SPRYD3: variants seen among roughly 807,000 people sequenced by gnomAD.
SPRYD3 encodes SPRY domain-containing protein 3.
Under a neutral mutation model 50.1 loss-of-function variants are expected in SPRYD3, and 17 were observed. That is an observed-to-expected ratio of 0.34 (90% confidence interval 0.23 to 0.51). The LOEUF is 0.51. Among genes scored for constraint, SPRYD3 ranks in the 20% least tolerant of loss-of-function variants. The probability of loss-of-function intolerance (pLI) is 0.97; values close to 1 mark genes in which losing one functional copy is unlikely to be tolerated. For missense variants in SPRYD3, 401 were observed against 591.2 expected (o/e 0.68, Z 3.34); for synonymous variants, 198 against 215.5 (o/e 0.92, Z 0.71).
In SPRYD3 at chr12:53,074,744, T is replaced by C; in HGVS notation, c.412A>G (p.Lys138Glu). 6.2e-7 allele frequency: 1 copy of C among 1,614,274 alleles called. No individual in the cohort carries two copies. The highest frequency in any genetic ancestry group is 8.5e-7 in the Non-Finnish European group (1 of 1,180,052). The change falls in exon 5 of 11, where the codon AAG becomes GAG. Residue 138 changes from lysine (K) to glutamate (E), a missense_variant. Lys to Glu is a moderately conservative substitution (Grantham distance 56). Coordinates refer to ENST00000301463, the MANE Select transcript of SPRYD3 (RefSeq NM_032840.3). The surrounding 1 kb of genome is among the most constrained non-coding windows in gnomAD (Gnocchi z 4.6). ...GRAKGRQFGS[K>E]CNSGDRIGCG... ...CCAATCCGGTCCCCGGAGTTGCACT[T>C]TGACCCAAACTGGCGGCCCTTGGCT... is the stretch of plus-strand genomic sequence containing the variant.
Position 53,072,400 on chromosome 12 carries a change from C to CT in SPRYD3, c.693+885dup, listed in dbSNP as rs1442376688. The stretch of plus-strand genomic sequence containing the variant: ...ACTGCTTCTGTTTTGTTATCAAAGA[C>CT]TGAGTTGAAAACAGCCTGGGTTGGG... On this transcript the variant is annotated intron_variant, in intron 6 of 10. Transcript: ENST00000301463. Among the ~76,000 whole-genome samples, 4 of 152,242 alleles carry CT rather than the reference C, an allele frequency of 2.6e-5. No individual in the cohort carries two copies. The East Asian group carries it at 7.7e-4, about 29-fold the overall frequency.
At chr12:53,066,855 G>T (rs1367804791) in intron 8 of SPRYD3, among the ~76,000 whole-genome samples, 163 bp from the exon 9 acceptor site, 1 of 152,180 alleles carries the variant, frequency 6.6e-6, no homozygotes, top group Non-Finnish European at 1.5e-5. Flanking sequence ...GCTCACGCCT[G>T]GAATCCCAGG....
rs374096283 is a variant in SPRYD3 at position 53,073,365 on chromosome 12, C to T, written c.614G>A (p.Arg205His). ...CACCATCATGACGCTGTCGTCCTCA[C>T]GGCCCAGCTCAGCGTTGAGGTGCAG... Reference protein sequence around the residue: ...VRLHLNAELGREDDSVMMVDS... With the variant: ...VRLHLNAELGHEDDSVMMVDS... Residue 205 changes from arginine to histidine, a missense_variant, in exon 6 of 11, where the codon CGT (arginine) becomes CAT (histidine). Transcript: ENST00000301463. 3.0e-5 allele frequency: 48 copies of T among 1,594,326 alleles called. No homozygotes were observed. The highest frequency in any genetic ancestry group is 3.8e-5 in the Non-Finnish European group (45 of 1,170,488).
intron 6 of SPRYD3, 31 bp downstream of exon 6, chr12:53,073,255 A>AACCCCC: frequency 2.1e-5 from 8 of 383,668 alleles, no homozygotes; most frequent in South Asian, 1.4e-4. Context: ...CCTCCGACCC[A>AACCCCC]GCCCCTCCCA....
chr12:53,077,246 G>A lies in SPRYD3; in HGVS notation c.39C>T (p.Asn13=). ...AGTGCAGGTTGAGGTCATCCATCTT[G>A]TTCATGAGAACAAACCTGCCAAGGG... The part of the protein sequence containing the change: ...RTRRPRFVLM[N]KMDDLNLHYR... The change falls in exon 2 of 11, where the codon AAC becomes AAT. Residue 13 remains asparagine (N), a synonymous_variant. Coordinates refer to ENST00000301463, the MANE Select transcript of SPRYD3 (RefSeq NM_032840.3). 6.2e-7 allele frequency: 1 copy of A among 1,614,176 alleles called. No individual in the cohort carries two copies. Among genetic ancestry groups the A allele is most frequent in the Non-Finnish European group, 8.5e-7 (1 of 1,180,024 alleles).
intron 1 of SPRYD3, among the ~76,000 whole-genome samples, chr12:53,078,571 G>A (rs1197522941): frequency 1.3e-5 from 2 of 151,662 alleles, no homozygotes; most frequent in Admixed American, 6.6e-5. Flanking sequence ...AGAGGATCAA[G>A]AACAGATGTG....
Position 53,065,144 on chromosome 12 carries a change from C to T in SPRYD3, c.*688G>A, listed in dbSNP as rs1944491667. ...CCCTAGTGCCCTGTCACCTCACAGC[C>T]CCTCTCTCTTAAACATGCAACAGGC... On this transcript the variant is annotated 3_prime_UTR_variant, in exon 11 of 11. Coordinates refer to ENST00000301463, the MANE Select transcript of SPRYD3 (RefSeq NM_032840.3). 1 of 152,424 alleles carries T rather than the reference C, an allele frequency of 6.6e-6. No individual in the cohort carries two copies. Among genetic ancestry groups the T allele is most frequent in the African/African-American group, 2.4e-5 (1 of 41,464 alleles). 9.4% of individuals were successfully genotyped at this position (152,424 alleles called of 1,614,324 possible).
rs1308958425 is a variant in SPRYD3, at chr12:53,074,007, C to T, written c.508-536G>A. Among the ~76,000 whole-genome samples, 1 of 152,102 alleles carries T rather than the reference C, an allele frequency of 6.6e-6. No individual in the cohort carries two copies. The highest frequency in any genetic ancestry group is 1.5e-5 in the Non-Finnish European group (1 of 68,026). ...TAGAAGACAAACACAAGTCTCCTGA[C>T]TTGCTGCCAAATACTTTCAGTACGT... On this transcript the variant is annotated intron_variant, in intron 5 of 10. Coordinates refer to ENST00000301463, the MANE Select transcript of SPRYD3 (RefSeq NM_032840.3). This position sits in a 1 kb window ranked among gnomAD's most constrained non-coding sequence, Gnocchi z 4.6.
At chr12:53,073,260 C>CGGGGGGGGGGGGGGGGGGGGGGG in intron 6 of SPRYD3, 26 bp downstream of exon 6, 5 of 416,302 alleles carry the variant, frequency 1.2e-5, no homozygotes, top group African/African-American at 4.2e-5. Context: ...GACCCAGCCC[C>CGGGGGGGGGGGGGGGGGGGGGGG]TCCCACCCTC....
In SPRYD3 at chr12:53,075,800, T is replaced by C. The variant is rs1944583649; in HGVS notation, c.182A>G (p.Asn61Ser). ...CACGTAGCAGCCAACTTCACCAGAG[T>C]TTCCATGATAACTGAAGGAGGAATG... ...VDGDTLSYHG[N>S]SGEVGCYVAS... The change falls in exon 3 of 11, where the codon AAC becomes AGC. Residue 61 changes from asparagine to serine, a missense_variant. By Grantham distance (46) the Asn-to-Ser change is conservative. Coordinates refer to ENST00000301463, the MANE Select transcript of SPRYD3 (RefSeq NM_032840.3). 2 of 1,613,324 alleles carry C rather than the reference T, an allele frequency of 1.2e-6. No homozygotes were observed. The highest frequency in any genetic ancestry group is 2.2e-5 in the South Asian group (2 of 91,044).
Position 53,074,579 on chromosome 12 carries a change from TC to T in SPRYD3, c.507+69del. On this transcript the variant is annotated intron_variant, in intron 5 of 10. Transcript: ENST00000301463. This position sits in a 1 kb window ranked among gnomAD's most constrained non-coding sequence, Gnocchi z 4.6. The stretch of plus-strand genomic sequence containing the variant: ...GGGCAAGCCCCAGCCAGCAGACTCT[TC>T]CTAATCACTCCCCACAAATCCTTGG... 6.3e-7 allele frequency: 1 copy of T among 1,598,626 alleles called. No homozygotes were observed.
At position 53,077,202 on chromosome 12, in the gene SPRYD3, C is replaced by T. The variant is rs775023389; in HGVS notation, c.83G>A (p.Arg28His). ...LNLHYRFLNW[R>H]RRIREIREVR... Reference sequence around the variant, plus strand: ...CTCTCGAATCTCCCGGATCCGCCGGCGCCAATTCAGAAACCGGTAGTGCAG... The same window carrying T: ...CTCTCGAATCTCCCGGATCCGCCGGTGCCAATTCAGAAACCGGTAGTGCAG... Residue 28 changes from arginine to histidine, a missense_variant, in exon 2 of 11, where the codon CGC becomes CAC. Physicochemically the swap from Arg to His is conservative, Grantham distance 29. Transcript: ENST00000301463. The T allele has an allele frequency of 1.2e-6, 2 of 1,614,176 alleles. No homozygotes were observed. Among genetic ancestry groups the T allele is most frequent in the East Asian group, 2.2e-5 (1 of 44,878 alleles).
At chr12:53,075,458 G>A (rs945633292) in intron 3 of SPRYD3, among the ~76,000 whole-genome samples, 5 of 152,166 alleles carry the variant, frequency 3.3e-5, no homozygotes, top group Non-Finnish European at 7.3e-5. Context: ...CCTATATGGT[G>A]GGTTTGGGTT....
chr12:53,070,662 C>T (rs1425051516), intron 6 of SPRYD3, among the ~76,000 whole-genome samples: 1 of 152,182 alleles, frequency 6.6e-6, no homozygotes, highest in Non-Finnish European at 1.5e-5. Flanking sequence ...ATGAAGTGAC[C>T]AATACACATT....
rs1944577410 is a variant in SPRYD3, at chr12:53,074,876, G to A, written c.372-92C>T. The A allele has an allele frequency of 7.3e-6, 11 of 1,507,732 alleles. No individual in the cohort carries two copies. The South Asian group carries it at 8.3e-5, about 11-fold the overall frequency. 93.4% of individuals were successfully genotyped at this position (1,507,732 alleles called of 1,614,324 possible). A position where few individuals can be genotyped will look rare whatever the true frequency, so the allele number is the denominator to read the frequency against. On this transcript the variant is annotated intron_variant, in intron 4 of 10. Coordinates refer to ENST00000301463, the MANE Select transcript of SPRYD3 (RefSeq NM_032840.3). This position sits in a 1 kb window ranked among gnomAD's most constrained non-coding sequence, Gnocchi z 4.6. ...GCAGAGGCCTCATCCTCATCTTGCT[G>A]CTCCTGGTCATTCTGTGATGGTACC... is the stretch of plus-strand genomic sequence containing the variant.
At chr12:53,067,510 G>A (rs748033145) in intron 8 of SPRYD3, 138 bp downstream of exon 8, 30 of 752,970 alleles carry the variant, frequency 4.0e-5, no homozygotes, top group Non-Finnish European at 5.3e-5. Context: ...AAGCACTAGC[G>A]ATTTGGGAAG....
intron 6 of SPRYD3, among the ~76,000 whole-genome samples, chr12:53,071,273 G>A (rs1944548020): frequency 6.6e-6 from 1 of 152,186 alleles, no homozygotes; most frequent in Non-Finnish European, 1.5e-5. Context: ...CACCCTGTGT[G>A]TACCAAAGCT....
At chr12:53,073,256 G>GCCCCCGGGGGGGGGCCC in intron 6 of SPRYD3, 30 bp downstream of exon 6, 4 of 424,130 alleles carry the variant, frequency 9.4e-6, no homozygotes, top group East Asian at 3.8e-5. Context: ...CTCCGACCCA[G>GCCCCCGGGGGGGGGCCC]CCCCTCCCAC....
At position 53,075,945 on chromosome 12, in the gene SPRYD3, G is replaced by C. The variant is rs771580941; in HGVS notation, c.171-134C>G. The C allele has an allele frequency of 2.5e-5, 18 of 707,154 alleles. No homozygotes were observed. In the Admixed American group the frequency reaches 3.8e-4, roughly 15 times the overall value. 43.8% of individuals were successfully genotyped at this position (707,154 alleles called of 1,614,324 possible). Reference sequence around the variant, plus strand: ...CCATCAGGCTGCACTTCAGTACATCGGCAGACATCAGAACCAGATACTTAA... The same window carrying C: ...CCATCAGGCTGCACTTCAGTACATCCGCAGACATCAGAACCAGATACTTAA... On this transcript the variant is annotated intron_variant, in intron 2 of 10. Transcript: ENST00000301463.
Sources: allele counts gnomAD v4.1 joint callset (sites outside exome capture counted in the v4.1 genomes callset), GRCh38; gene constraint gnomAD v4.1.1; non-coding constraint Gnocchi (gnomAD v3.1); transcripts MANE v1.5; gene names NCBI Gene and HGNC (gene_info 2026-07-23, HGNC 2026-07-21).